C12orf42: variants seen among roughly 807,000 people sequenced by gnomAD.
C12orf42 encodes the protein chromosome 12 open reading frame 42.
A neutral mutation model predicts 21.6 loss-of-function variants in C12orf42; 25 were observed. That is an observed-to-expected ratio of 1.16 (90% CI 0.84 to 1.62). The LOEUF is 1.62. C12orf42 is among the 40% of genes most tolerant of loss of function. The probability of loss-of-function intolerance (pLI) is 0.00; values close to 1 mark genes in which losing one functional copy is unlikely to be tolerated. For missense variants in C12orf42, 483 were observed against 459.3 expected, an observed-to-expected ratio of 1.05 and a Z score of -0.47; for synonymous variants, 174 against 175.0, an observed-to-expected ratio of 0.99 and a Z score of 0.05.
chr12:103,237,553 C>T (rs879582060), downstream of C12orf42: 4 of 152,152 alleles, frequency 2.6e-5, no homozygotes, highest in Non-Finnish European at 5.9e-5. Flanking sequence ...TATTGGTTAG[C>T]TTTTAATGCA....
At chr12:103,530,878 T>C in the C12orf42 span, among the ~76,000 whole-genome samples, 1 of 152,156 alleles carries the variant, frequency 6.6e-6, no homozygotes, top group Non-Finnish European at 1.5e-5. Context: ...CCGCCACAGC[T>C]CTCATTATAA....
At chr12:103,147,623 CTTT>C in the C12orf42 span, among the ~76,000 whole-genome samples, 733 of 99,266 alleles carry the variant, frequency 7.4e-3, 11 homozygotes, top group East Asian at 0.074. Context: ...TTCTCTCTCT[CTTT>C]TTTTTTTTTT....
the C12orf42 span, among the ~76,000 whole-genome samples, chr12:103,524,350 A>G: frequency 5.3e-5 from 8 of 152,096 alleles, no homozygotes; most frequent in African/African-American, 1.9e-4. Flanking sequence ...ACAGATTCCC[A>G]TCGTTTCCAG....
chr12:103,404,480 A>G (rs1216975628), intron 2 of C12orf42, among the ~76,000 whole-genome samples: 1 of 152,258 alleles, frequency 6.6e-6, no homozygotes, highest in Non-Finnish European at 1.5e-5. Context: ...CAGTGGATGT[A>G]TAATGAAGGT....
At chr12:103,318,521 T>G (rs967374552) in intron 4 of C12orf42, among the ~76,000 whole-genome samples, 2 of 152,216 alleles carry the variant, frequency 1.3e-5, no homozygotes, top group Non-Finnish European at 2.9e-5. Flanking sequence ...TTACCTGAAT[T>G]GTTTTTTGAA....
chr12:103,078,997 C>A, the C12orf42 span, among the ~76,000 whole-genome samples: 1 of 152,166 alleles, frequency 6.6e-6, no homozygotes, highest in Non-Finnish European at 1.5e-5. Flanking sequence ...TGTGCTTTCT[C>A]ATGTTGCTCC....
chr12:103,417,541 C>A (rs1323296848), intron 2 of C12orf42, among the ~76,000 whole-genome samples: 2 of 152,166 alleles, frequency 1.3e-5, no homozygotes, highest in African/African-American at 4.8e-5. Flanking sequence ...TTTACACTTT[C>A]CCATGTGTAT....
At chr12:103,154,286 T>C in the C12orf42 span, among the ~76,000 whole-genome samples, 1 of 152,114 alleles carries the variant, frequency 6.6e-6, no homozygotes, top group Admixed American at 6.6e-5. Flanking sequence ...TTTGTGAAAA[T>C]TCATCAACCT....
chr12:103,113,606 C>T, the C12orf42 span, among the ~76,000 whole-genome samples: 1 of 151,426 alleles, frequency 6.6e-6, no homozygotes, highest in Non-Finnish European at 1.5e-5. Context: ...GGTAGAGGAC[C>T]TTGATGTTGC....
At chr12:103,201,076 A>G in the C12orf42 span, among the ~76,000 whole-genome samples, 1 of 152,328 alleles carries the variant, frequency 6.6e-6, no homozygotes, top group Non-Finnish European at 1.5e-5. Context: ...ACGGCAGATG[A>G]GGCAAAACTT....
intron 2 of C12orf42, among the ~76,000 whole-genome samples, chr12:103,435,516 T>G (rs201970608): frequency 5.9e-5 from 9 of 152,106 alleles, no homozygotes; most frequent in East Asian, 5.8e-4. Flanking sequence ...AAATTTAGAA[T>G]AATGTATAAC....
At chr12:103,183,949 T>C in the C12orf42 span, among the ~76,000 whole-genome samples, 1 of 152,236 alleles carries the variant, frequency 6.6e-6, no homozygotes, top group Non-Finnish European at 1.5e-5. Flanking sequence ...CAAGTTTTTG[T>C]TTAATTTGTT....
rs11833847 is a variant in C12orf42, at chr12:103,489,599, G to C, written c.-22+6303C>G. Reference sequence around the variant, plus strand: ...CAGTAGGCCTTGCTGAGCTATGGTGGGTTCCCCCAGTTTGAGCTTCCCGGC... The same window carrying C: ...CAGTAGGCCTTGCTGAGCTATGGTGCGTTCCCCCAGTTTGAGCTTCCCGGC... On this transcript the variant is annotated intron_variant, in intron 1 of 5. Coordinates refer to ENST00000548883, the MANE Select transcript of C12orf42 (RefSeq NM_198521.5). 2.4e-4 allele frequency among the ~76,000 whole-genome samples: 36 copies of C among 152,258 alleles called. 2 individuals are homozygous for C. In the South Asian group the frequency reaches 5.8e-3, roughly 25 times the overall value.
intron 5 of C12orf42, among the ~76,000 whole-genome samples, chr12:103,271,333 C>T (rs1010084760): frequency 3.3e-5 from 5 of 152,252 alleles, no homozygotes; most frequent in East Asian, 1.9e-4. Flanking sequence ...TGTTTAGATG[C>T]AATTTTCACT....
the C12orf42 span, among the ~76,000 whole-genome samples, chr12:103,146,528 GAAAA>G: frequency 8.9e-6 from 1 of 112,718 alleles, no homozygotes; most frequent in African/African-American, 3.3e-5. Flanking sequence ...AAGAAAGAAA[GAAAA>G]GAAAGAAAGA....
chr12:103,175,820 C>A, the C12orf42 span, among the ~76,000 whole-genome samples: 48 of 152,156 alleles, frequency 3.2e-4, no homozygotes, highest in African/African-American at 1.1e-3. Context: ...ATGACCCAAA[C>A]CAAGTGGATG....
intron 5 of C12orf42, among the ~76,000 whole-genome samples, chr12:103,274,190 G>A (rs540271821): frequency 9.1e-4 from 138 of 152,262 alleles, no homozygotes; most frequent in Admixed American, 1.7e-3. Flanking sequence ...GCAGAGAGAC[G>A]CTAAGTAATA....
At chr12:103,382,296 AT>A (rs757698032) in intron 3 of C12orf42, among the ~76,000 whole-genome samples, 10 of 152,176 alleles carry the variant, frequency 6.6e-5, no homozygotes, top group Non-Finnish European at 1.5e-4. Flanking sequence ...TTGCTTTTAT[AT>A]TTTAGTAACA....
At chr12:103,466,730 T>C (rs143440556) in intron 2 of C12orf42, among the ~76,000 whole-genome samples, 1 of 152,326 alleles carries the variant, frequency 6.6e-6, no homozygotes, top group East Asian at 1.9e-4. Flanking sequence ...CCATATAACG[T>C]TGTGGCAACT....
Sources: allele counts gnomAD v4.1 joint callset (sites outside exome capture counted in the v4.1 genomes callset), GRCh38; gene constraint gnomAD v4.1.1; transcripts MANE v1.5; gene names NCBI Gene and HGNC (gene_info 2026-07-23, HGNC 2026-07-21).